The following PLPP2 variants were observed in gnomAD, a reference collection of about 807,000 sequenced individuals.
The protein encoded by PLPP2 is PAP2-gamma.
In PLPP2, 29 loss-of-function variants were observed where a neutral mutation model predicts 35.2. The ratio of observed to expected loss-of-function variants is 0.82; its 90% CI spans 0.61 to 1.12. The LOEUF (loss-of-function observed/expected upper bound fraction) is 1.12. PLPP2 is among the 50% of genes most tolerant of loss of function. The pLI is 0.00. For missense variants in PLPP2, 353 were observed against 375.2 expected (o/e 0.94, Z 0.49); for synonymous variants, 162 against 167.0 (o/e 0.97, Z 0.23).
intron 1 of PLPP2, among the ~76,000 whole-genome samples, chr19:290,313 T>C (rs1970360864): frequency 6.6e-6 from 1 of 152,208 alleles, no homozygotes; most frequent in Non-Finnish European, 1.5e-5. Context: ...AAATGTTTGT[T>C]ATTTGCATGT....
chr19:288,274 C>T (rs1970311697), intron 1 of PLPP2, 103 bp from the exon 2 acceptor site: 4 of 1,220,204 alleles, frequency 3.3e-6, no homozygotes, highest in Non-Finnish European at 4.5e-6. Context: ...CCTCTACTCT[C>T]ACCAGACAGC....
intron 1 of PLPP2, among the ~76,000 whole-genome samples, chr19:290,407 C>T (rs1261118816): frequency 6.6e-6 from 1 of 152,234 alleles, no homozygotes; most frequent in Non-Finnish European, 1.5e-5. Flanking sequence ...GTACCACGGG[C>T]TGGCAGACAC....
At chr19:289,082 C>A (rs1484185867) in intron 1 of PLPP2, among the ~76,000 whole-genome samples, 1 of 152,136 alleles carries the variant, frequency 6.6e-6, no homozygotes, top group African/African-American at 2.4e-5. Flanking sequence ...GAAGGTGCTG[C>A]CATGGCACTG....
chr19:283,600 G>C (rs1970219170), intron 3 of PLPP2: 1 of 152,260 alleles, frequency 6.6e-6, no homozygotes, highest in Admixed American at 6.5e-5. Context: ...TAACCAAACA[G>C]GCCAGGGAAT....
chr19:287,905 C>T lies in PLPP2; in HGVS notation c.204+115G>A, dbSNP rs374951708. ...CCACTCAGGGCAAGGCTGTGTCCCCCGGCCCCACACAGACCTCCAGGGCAG... is the reference window on the plus strand; with the variant it reads ...CCACTCAGGGCAAGGCTGTGTCCCCTGGCCCCACACAGACCTCCAGGGCAG... On this transcript the variant is annotated intron_variant, in intron 2 of 5. Coordinates refer to ENST00000434325, the MANE Select transcript of PLPP2 (RefSeq NM_003712.4). The surrounding 1 kb of genome is among the most constrained non-coding windows in gnomAD (Gnocchi z 4.3). 1.4e-4 allele frequency: 218 copies of T among 1,507,968 alleles called. No individual in the cohort carries two copies. The East Asian group carries it at 3.0e-3, about 21-fold the overall frequency. The allele number at this position is 1,507,968 out of a possible 1,614,324, so 93.4% of individuals were successfully genotyped here.
Position 281,254 on chromosome 19 carries a change from C to G in PLPP2, c.*134G>C. On this transcript the variant is annotated 3_prime_UTR_variant, in exon 6 of 6. Transcript: ENST00000434325. ...GTGCAGGGCAGGGGGCAGCGGAGCC[C>G]GCTCACTGCTCCCATCAGCCCAGGG... 1.1e-6 allele frequency: 1 copy of G among 885,930 alleles called. No homozygotes were observed. The highest frequency in any genetic ancestry group is 1.5e-6 in the Non-Finnish European group (1 of 665,090). 54.9% of individuals were successfully genotyped at this position (885,930 alleles called of 1,614,324 possible). A position where few individuals can be genotyped will look rare whatever the true frequency, so the allele number is the denominator to read the frequency against.
At chr19:289,047 A>G (rs35445548) in intron 1 of PLPP2, among the ~76,000 whole-genome samples, 2,082 of 152,260 alleles carry the variant, frequency 0.014, 24 homozygotes, top group Middle Eastern at 0.02. Context: ...TCAGGGATCA[A>G]AGACACATTC....
Position 281,474 on chromosome 19 carries a change from GCTC to G in PLPP2, c.778_780del (p.Glu260del). On this transcript the variant is annotated inframe_deletion, in exon 6 of 6. Transcript: ENST00000434325. Reference sequence around the variant, plus strand: ...AGTGACAGGCTGGGCTTCCGTTCCAGCTCCTCCTCCTTCAGACAGTGCTGTGGG... The same window carrying G: ...AGTGACAGGCTGGGCTTCCGTTCCAGCTCCTCCTTCAGACAGTGCTGTGGG... The G allele has an allele frequency of 1.3e-6, 2 of 1,558,410 alleles. No individual in the cohort carries two copies. Among genetic ancestry groups the G allele is most frequent in the Non-Finnish European group, 1.7e-6 (2 of 1,150,846 alleles).
At chr19:282,639 C>CT (rs1173583478) in intron 4 of PLPP2, 113 bp downstream of exon 4, 2 of 1,151,094 alleles carry the variant, frequency 1.7e-6, no homozygotes, top group East Asian at 5.0e-5. Context: ...ATCAGTTAGC[C>CT]CCCCTCACCA....
intron 3 of PLPP2, 35 bp from the exon 4 acceptor site, chr19:282,844 C>A (rs200354416): frequency 1.3e-6 from 2 of 1,597,386 alleles, no homozygotes; most frequent in East Asian, 4.5e-5. Context: ...GCTCACTCAG[C>A]GCCTTCCAAC....
Position 287,520 on chromosome 19 carries a change from G to T in PLPP2, c.436C>A (p.Leu146Met). 1 of 1,613,630 alleles carries T rather than the reference G, an allele frequency of 6.2e-7. No individual in the cohort carries two copies. Among genetic ancestry groups the T allele is most frequent in the South Asian group, 1.1e-5 (1 of 91,088 alleles). ...SRVNCSVYVQ[L>M]EKVCRGNPAD... is the part of the protein sequence containing the mutation. The stretch of plus-strand genomic sequence containing the variant: ...GGGTTTCCCCTGCACACCTTCTCCA[G>T]CTGCACATAGACCGAGCAGTTGACC... Residue 146 changes from leucine (L) to methionine (M), a missense_variant, in exon 3 of 6, where the codon CTG (leucine) becomes ATG (methionine). Coordinates refer to ENST00000434325, the MANE Select transcript of PLPP2 (RefSeq NM_003712.4). The surrounding 1 kb of genome is among the most constrained non-coding windows in gnomAD (Gnocchi z 4.3).
intron 1 of PLPP2, chr19:290,917 C>G: frequency 8.2e-7 from 1 of 1,223,486 alleles, no homozygotes; most frequent in Non-Finnish European, 1.0e-6. Flanking sequence ...GGGTAACCCG[C>G]GGCCGCCCCC....
In PLPP2 at chr19:282,195, T is replaced by C. The variant is rs887107751; in HGVS notation, c.656A>G (p.Lys219Arg). The change falls in exon 5 of 6, where the codon AAA becomes AGA. Residue 219 changes from lysine (K) to arginine (R), a missense_variant. Lys to Arg is a conservative substitution (Grantham distance 26). Coordinates refer to ENST00000434325, the MANE Select transcript of PLPP2 (RefSeq NM_003712.4). ...YVGYTRVSDY[K>R]HHWSDVLVGL... ...AACAAGGACATCGCTCCAGTGGTGTTTGTAATCAGACACGCGGGTGTAGCC... is the reference window on the plus strand; with the variant it reads ...AACAAGGACATCGCTCCAGTGGTGTCTGTAATCAGACACGCGGGTGTAGCC... The C allele has an allele frequency of 3.7e-6, 6 of 1,613,708 alleles. No individual in the cohort carries two copies. The highest frequency in any genetic ancestry group is 1.7e-5 in the Admixed American group (1 of 59,972).
chr19:288,374 T>C (rs12981067), intron 1 of PLPP2: 197,662 of 442,426 alleles, frequency 0.45, 46,591 homozygotes, highest in Middle Eastern at 0.5. Flanking sequence ...GCCCCTCACA[T>C]CCTGGCAGCC....
chr19:290,596 G>A (rs1449055424), intron 1 of PLPP2, among the ~76,000 whole-genome samples: 4 of 152,208 alleles, frequency 2.6e-5, no homozygotes, highest in Admixed American at 1.3e-4. Flanking sequence ...GCAAACACTC[G>A]GCCTTTGTTC....
At position 288,112 on chromosome 19, in the gene PLPP2, A is replaced by G. The variant is rs1482983125; in HGVS notation, c.112T>C (p.Cys38Arg). Residue 38 changes from cysteine to arginine, a missense_variant, in exon 2 of 6, where the codon TGC (cysteine) becomes CGC (arginine). Transcript: ENST00000434325. ...VNAPYKRGFY[C>R]GDDSIRYPYR... ...GGGTACCGGATGGAGTCATCCCCGC[A>G]GTAAAATCCTCGCTTGTACGGGGCG... 6.2e-7 allele frequency: 1 copy of G among 1,612,976 alleles called. No individual in the cohort carries two copies. The highest frequency in any genetic ancestry group is 1.1e-5 in the South Asian group (1 of 91,006).
At chr19:283,648 G>C (rs569541919) in intron 3 of PLPP2, 1 of 152,422 alleles carries the variant, frequency 6.6e-6, no homozygotes, top group East Asian at 1.9e-4. Context: ...AACGCAGACA[G>C]AGCTGTGCAG....
At position 291,380 on chromosome 19, in the gene PLPP2, G is replaced by A; in HGVS notation, c.-44C>T. ...CGCCGGTCCCAGCGCGTCCCGTCGC[G>A]TCCCGGCCCGGCCGCGGAGTCACGT... On this transcript the variant is annotated 5_prime_UTR_variant, in exon 1 of 6. In the 5' UTR this introduces an upstream ATG that the reference lacks. Transcript: ENST00000434325. 6.4e-7 allele frequency: 1 copy of A among 1,566,496 alleles called. No homozygotes were observed. The highest frequency in any genetic ancestry group is 2.4e-5 in the East Asian group (1 of 41,382).
intron 1 of PLPP2, among the ~76,000 whole-genome samples, chr19:288,866 CAGA>C (rs1970324110): frequency 6.6e-6 from 1 of 152,186 alleles, no homozygotes; most frequent in Non-Finnish European, 1.5e-5. Context: ...CTGGCCAGGG[CAGA>C]TGTTTAATAA....
Sources: allele counts gnomAD v4.1 joint callset (sites outside exome capture counted in the v4.1 genomes callset), GRCh38; gene constraint gnomAD v4.1.1; non-coding constraint Gnocchi (gnomAD v3.1); transcripts MANE v1.5; gene names NCBI Gene and HGNC (gene_info 2026-07-23, HGNC 2026-07-21).